ALLC: variants seen among roughly 807,000 people sequenced by gnomAD.
ALLC encodes probable inactive allantoicase.
ALLC carries 40 observed loss-of-function variants against 45.0 expected under a neutral mutation model. The ratio of observed to expected loss-of-function variants is 0.89; its 90% confidence interval spans 0.69 to 1.16. The LOEUF is 1.16. ALLC is among the 50% of genes most tolerant of loss of function. ALLC has a pLI of 0.00. For missense variants in ALLC, 488 were observed against 493.1 expected (o/e 0.99, Z 0.10); for synonymous variants, 176 against 178.1 (o/e 0.99, Z 0.09).
At chr2:3,652,068 G>A in the ALLC span, among the ~76,000 whole-genome samples, 3 of 152,216 alleles carry the variant, frequency 2.0e-5, no homozygotes, top group African/African-American at 7.2e-5. Flanking sequence ...AAGCACAAAG[G>A]GAATTTGTTG....
chr2:3,699,011 G>A (rs1667755654), intron 10 of ALLC, among the ~76,000 whole-genome samples: 1 of 151,938 alleles, frequency 6.6e-6, no homozygotes, highest in Admixed American at 6.5e-5. Context: ...TGGAAAGACG[G>A]CATTTTATCT....
intron 1 of ALLC, among the ~76,000 whole-genome samples, chr2:3,670,781 C>G (rs1243711395): frequency 6.6e-6 from 1 of 152,038 alleles, no homozygotes; most frequent in African/African-American, 2.4e-5. Flanking sequence ...AAAATAATCT[C>G]TCTCTTTTAA....
intron 1 of ALLC, among the ~76,000 whole-genome samples, chr2:3,667,841 C>T (rs895687027): frequency 5.9e-5 from 9 of 152,172 alleles, no homozygotes; most frequent in African/African-American, 1.7e-4. Flanking sequence ...CTCGGCTCAC[C>T]GCAACCTCCG....
chr2:3,697,107 T>C (rs937740074), intron 9 of ALLC, among the ~76,000 whole-genome samples: 1 of 152,122 alleles, frequency 6.6e-6, no homozygotes, highest in Admixed American at 6.5e-5. Flanking sequence ...ATAATTGACA[T>C]AGAAATTTAG....
intron 2 of ALLC, among the ~76,000 whole-genome samples, chr2:3,671,853 C>G (rs1666883662): frequency 7.1e-6 from 1 of 140,300 alleles, no homozygotes; most frequent in Non-Finnish European, 1.5e-5. Flanking sequence ...TCCTCTGGCT[C>G]TGGTTAGATG....
At chr2:3,656,786 A>G (rs1666452569), upstream of ALLC, among the ~76,000 whole-genome samples, 1 of 145,304 alleles carries the variant, frequency 6.9e-6, no homozygotes, top group African/African-American at 2.8e-5. Context: ...TGTGGAGGGC[A>G]GAGGTCAGGG....
chr2:3,683,042 G>C lies in ALLC; in HGVS notation c.479G>C (p.Arg160Thr), dbSNP rs1235859399. The change falls in exon 7 of 12, where the codon AGA becomes ACA. Residue 160 changes from arginine (R) to threonine (T), a missense_variant. Transcript: ENST00000252505. ...TATTTTCTTGTCAATTCCCAGCAGA[G>C]ATGGACTCATATCAGACTCAACATT... Reference protein sequence around the residue: ...HNYFLVNSQQRWTHIRLNIFP... With the variant: ...HNYFLVNSQQTWTHIRLNIFP... 1 of 1,613,984 alleles carries C rather than the reference G, an allele frequency of 6.2e-7. No individual in the cohort carries two copies. The highest frequency in any genetic ancestry group is 8.5e-7 in the Non-Finnish European group (1 of 1,179,878).
intron 7 of ALLC, chr2:3,695,348 C>A: frequency 4.4e-6 from 1 of 227,440 alleles, no homozygotes; most frequent in East Asian, 1.2e-4. Context: ...TAATTTCAGG[C>A]TGTGATTAGA....
At chr2:3,696,967 C>T (rs755620142) in intron 9 of ALLC, among the ~76,000 whole-genome samples, 8 of 152,102 alleles carry the variant, frequency 5.3e-5, no homozygotes, top group African/African-American at 7.2e-5. Context: ...AAGGTTTGAA[C>T]GCACATCATG....
At chr2:3,666,870 G>C (rs879746797) in intron 1 of ALLC, among the ~76,000 whole-genome samples, 10 of 152,226 alleles carry the variant, frequency 6.6e-5, no homozygotes, top group Non-Finnish European at 1.3e-4. Flanking sequence ...TTGACGACAG[G>C]CCTGTTCCAC....
rs1449183773 is a variant in ALLC at position 3,695,878 on chromosome 2, A to T, written c.667+6A>T. The T allele has an allele frequency of 8.1e-6, 13 of 1,598,604 alleles. No individual in the cohort carries two copies. The highest frequency in any genetic ancestry group is 6.7e-5 in the East Asian group (3 of 44,788). ...GCACCCAAACAATATAATAGGTAAG[A>T]TGATATTCTTGGAGCTGGCTTATTT... On this transcript the variant is annotated splice_donor_region_variant and intron_variant, in intron 8 of 11. Coordinates refer to ENST00000252505, the MANE Select transcript of ALLC (RefSeq NM_018436.4).
intron 6 of ALLC, among the ~76,000 whole-genome samples, chr2:3,682,286 G>A (rs1441740405): frequency 6.6e-6 from 1 of 152,190 alleles, no homozygotes; most frequent in African/African-American, 2.4e-5. Flanking sequence ...AGAGGTCATG[G>A]AGCATGGCAG....
chr2:3,689,060 C>G (rs564213927), intron 7 of ALLC: 1 of 150,934 alleles, frequency 6.6e-6, no homozygotes, highest in South Asian at 2.1e-4. Context: ...AGAAGAGAGC[C>G]AGTCTCATTT....
chr2:3,698,274 C>T (rs1325665838), intron 10 of ALLC, among the ~76,000 whole-genome samples: 2 of 152,176 alleles, frequency 1.3e-5, no homozygotes, highest in East Asian at 3.8e-4. Flanking sequence ...ACCCTTTGAA[C>T]TTTAGTAACT....
chr2:3,671,010 C>A, intron 1 of ALLC, 86 bp from the exon 2 acceptor site: 2 of 749,912 alleles, frequency 2.7e-6, no homozygotes, highest in South Asian at 1.7e-5. Context: ...TTTTGAAAGT[C>A]TCAAATCTTA....
In ALLC at chr2:3,702,311, C is replaced by A. The variant is rs562328465; in HGVS notation, c.976-52C>A. On this transcript the variant is annotated intron_variant, in intron 11 of 11. Transcript: ENST00000252505. ...TTGCCCGGGCCGTGGGCTCATTCGGCCACACATGTCCTGTTAACAGACTAG... is the reference window on the plus strand; with the variant it reads ...TTGCCCGGGCCGTGGGCTCATTCGGACACACATGTCCTGTTAACAGACTAG... 24 of 1,539,372 alleles carry A rather than the reference C, an allele frequency of 1.6e-5. No individual in the cohort carries two copies. In the African/African-American group the frequency reaches 2.6e-4, roughly 17 times the overall value.
In ALLC at chr2:3,697,409, A is replaced by C; in HGVS notation, c.803A>C (p.His268Pro). 6.2e-7 allele frequency: 1 copy of C among 1,613,956 alleles called. No homozygotes were observed. The highest frequency in any genetic ancestry group is 8.5e-7 in the Non-Finnish European group (1 of 1,179,868). The stretch of plus-strand genomic sequence containing the variant: ...GAATGGGCAGTTTTCCGATTGGCAC[A>C]TCCTGGAGTAATAACTCGAATTGAA... ...GCEWAVFRLA[H>P]PGVITRIEID... Residue 268 changes from histidine (H) to proline (P), a missense_variant, in exon 10 of 12, where the codon CAT becomes CCT. Coordinates refer to ENST00000252505, the MANE Select transcript of ALLC (RefSeq NM_018436.4).
chr2:3,688,145 G>T, intron 7 of ALLC: 1 of 158,292 alleles, frequency 6.3e-6, no homozygotes, highest in South Asian at 1.6e-4. Flanking sequence ...AGTCAGAGGA[G>T]ACAACCTGGC....
intron 1 of ALLC, among the ~76,000 whole-genome samples, chr2:3,670,228 C>A (rs1274372671): frequency 2.0e-5 from 3 of 152,192 alleles, no homozygotes; most frequent in African/African-American, 7.2e-5. Context: ...TAATTATATT[C>A]CTGTAATTTC....
Sources: gnomAD v4.1 joint callset for allele counts (sites outside exome capture counted in the v4.1 genomes callset) on GRCh38, gnomAD v4.1.1 for gene constraint, MANE v1.5 for transcripts, NCBI Gene and HGNC (gene_info 2026-07-23, HGNC 2026-07-21) for gene names.